The following LPIN1 variants were observed in gnomAD, a reference collection of about 807,000 sequenced individuals.
LPIN1 encodes lipin 1, also known as phosphatidate phosphatase LPIN1.
A neutral mutation model predicts 107.5 loss-of-function variants in LPIN1; 71 were observed. The ratio of observed to expected loss-of-function variants is 0.66; its 90% CI spans 0.55 to 0.80. LPIN1 has a LOEUF of 0.80. Among genes scored for constraint, LPIN1 ranks in the 30% least tolerant of loss-of-function variants. LPIN1 has a pLI of 0.00. For missense variants in LPIN1, 1,043 were observed against 1,160.6 expected, an observed-to-expected ratio of 0.90 and a Z score of 1.47; for synonymous variants, 445 against 452.6, an observed-to-expected ratio of 0.98 and a Z score of 0.21.
In LPIN1 at chr2:11,771,517, C is replaced by A; in HGVS notation, c.434C>A (p.Thr145Lys). 1 of 1,614,120 alleles carries A rather than the reference C, an allele frequency of 6.2e-7. No homozygotes were observed. The change falls in exon 4 of 21, where the codon ACG (threonine) becomes AAG (lysine). Residue 145 changes from threonine to lysine, a missense_variant. Coordinates refer to ENST00000674199, the MANE Select transcript of LPIN1 (RefSeq NM_001349206.2). The surrounding 1 kb of genome is among the most constrained non-coding windows in gnomAD (Gnocchi z 4.8). ...GCCCAAGTGATCGCTCCCAGCGAGA[C>A]GCCGTCAAGCAGCTCTGTAGTAAAG... ...TPAQVIAPSETPSSSSVVKKR... is the reference protein window; with the variant it reads ...TPAQVIAPSEKPSSSSVVKKR...
intron 1 of LPIN1, chr2:11,764,103 T>TATACAC (rs1553422099): frequency 1.6e-4 from 20 of 121,836 alleles, no homozygotes; most frequent in African/African-American, 5.7e-4. Context: ...TATATATATA[T>TATACAC]ACACACACAC....
At chr2:11,799,764 A>T (rs559780584) in intron 14 of LPIN1, among the ~76,000 whole-genome samples, 67 of 152,130 alleles carry the variant, frequency 4.4e-4, no homozygotes, top group African/African-American at 1.6e-3. Context: ...TTTTGGGTGG[A>T]TGTGATTCAG....
chr2:11,707,332 G>A lies in LPIN1; in HGVS notation c.82-6424G>A, dbSNP rs892283068. On this transcript the variant is annotated intron_variant, in intron 1 of 21. Transcript: ENST00000449576. This position sits in a 1 kb window ranked among gnomAD's most constrained non-coding sequence, Gnocchi z 4.2. ...AGAGAAGGAGGCTTAGGGAGAATCT[G>A]CCAGGCAGAGGAACAGCTCATGCAC... Among the ~76,000 whole-genome samples the A allele has an allele frequency of 1.9e-4, 29 of 152,198 alleles. No homozygotes were observed. The highest frequency in any genetic ancestry group is 1.9e-3 in the Admixed American group (29 of 15,274).
chr2:11,712,555 A>G (rs1402449565), intron 1 of LPIN1, among the ~76,000 whole-genome samples: 2 of 152,236 alleles, frequency 1.3e-5, no homozygotes, highest in Non-Finnish European at 2.9e-5. Context: ...CATGACCCCT[A>G]GAGCTATTCT....
At chr2:11,744,751 G>A (rs1270482997), upstream of LPIN1, among the ~76,000 whole-genome samples, 1 of 152,196 alleles carries the variant, frequency 6.6e-6, no homozygotes, top group Non-Finnish European at 1.5e-5. Flanking sequence ...CCCTGGAGGT[G>A]GGAGGGGAGG....
chr2:11,723,475 G>A (rs528110650), upstream of LPIN1: 18 of 152,312 alleles, frequency 1.2e-4, no homozygotes, highest in African/African-American at 4.3e-4. Flanking sequence ...GGCTAACATG[G>A]TGAAACCCCA....
chr2:11,719,238 C>G (rs1307774951), intron 2 of LPIN1, among the ~76,000 whole-genome samples: 1 of 152,052 alleles, frequency 6.6e-6, no homozygotes, highest in Non-Finnish European at 1.5e-5. Flanking sequence ...TATTTTTCCT[C>G]TTTCACATTG....
chr2:11,702,555 G>A (rs13428600), intron 1 of LPIN1, among the ~76,000 whole-genome samples: 20,502 of 152,186 alleles, frequency 0.13, 1,718 homozygotes, highest in East Asian at 0.3. Context: ...GAGACAACGC[G>A]GATGCTTGAG....
rs34156190 is a variant in LPIN1 at position 11,752,433 on chromosome 2, A to ATTTTTTTTTTTTTTTTTT, written c.-10+5778_-10+5779insTTTTTTTTTTTTTTTTTT. On this transcript the variant is annotated intron_variant, in intron 1 of 20. Coordinates refer to ENST00000674199, the MANE Select transcript of LPIN1 (RefSeq NM_001349206.2). ...TTTTCTTTTGAGCTGTTCCAAGGCC[A>ATTTTTTTTTTTTTTTTTT]TTTTTTTTTTTTTTTTGAGACGGAG... 6.3e-4 allele frequency among the ~76,000 whole-genome samples: 65 copies of ATTTTTTTTTTTTTTTTTT among 103,864 alleles called. 11 individuals are homozygous for ATTTTTTTTTTTTTTTTTT. The highest frequency in any genetic ancestry group is 3.6e-3 in the African/African-American group (63 of 17,694). The allele number at this position is 103,864 out of a possible 152,430, so 68.1% of individuals were successfully genotyped here.
intron 15 of LPIN1, 100 bp from the exon 16 acceptor site, chr2:11,804,323 T>A (rs1395186150): frequency 7.3e-7 from 1 of 1,368,596 alleles, no homozygotes; most frequent in Non-Finnish European, 1.0e-6. Context: ...GTCACTTGTT[T>A]TTAAAGCCGA....
chr2:11,754,697 G>T (rs1303465415), intron 1 of LPIN1, among the ~76,000 whole-genome samples: 1 of 152,150 alleles, frequency 6.6e-6, no homozygotes, highest in Non-Finnish European at 1.5e-5. Flanking sequence ...CAAACTAGTC[G>T]TTGTGTTGAC....
intron 1 of LPIN1, chr2:11,741,225 C>T: frequency 3.2e-6 from 2 of 630,614 alleles, no homozygotes; most frequent in Middle Eastern, 4.2e-4. Context: ...GAGTCCTGCC[C>T]CAGCTGTGTC....
intron 1 of LPIN1, among the ~76,000 whole-genome samples, chr2:11,739,287 G>C (rs752750010): frequency 2.0e-5 from 3 of 152,188 alleles, no homozygotes; most frequent in Non-Finnish European, 4.4e-5. Context: ...CAGTCAGAGG[G>C]CTCCAATCCA....
At chr2:11,773,998 A>C (rs1444274508) in intron 5 of LPIN1, among the ~76,000 whole-genome samples, 1 of 152,232 alleles carries the variant, frequency 6.6e-6, no homozygotes, top group Non-Finnish European at 1.5e-5. Context: ...AAGGAAAAAC[A>C]TGTAAATTAC....
chr2:11,694,145 AT>A (rs1289249440), intron 1 of LPIN1, among the ~76,000 whole-genome samples: 2 of 151,762 alleles, frequency 1.3e-5, no homozygotes, highest in African/African-American at 4.8e-5. Flanking sequence ...AGAGCCATAT[AT>A]TTTTAAAATT....
At chr2:11,766,625 T>G (rs1479788566) in intron 2 of LPIN1, among the ~76,000 whole-genome samples, 3 of 152,136 alleles carry the variant, frequency 2.0e-5, no homozygotes, top group Non-Finnish European at 2.9e-5. Context: ...GTTCAAAACG[T>G]GATGGCACTA....
Position 11,786,128 on chromosome 2 carries a change from A to G in LPIN1, c.1550-946A>G. Among the ~76,000 whole-genome samples, 1 of 152,052 alleles carries G rather than the reference A, an allele frequency of 6.6e-6. No homozygotes were observed. ...CTGAGTGTTATCTCATGGGGCCAGGATCTGCAGCTGTCCAGTCCTTACAGG... is the reference window on the plus strand; with the variant it reads ...CTGAGTGTTATCTCATGGGGCCAGGGTCTGCAGCTGTCCAGTCCTTACAGG... On this transcript the variant is annotated intron_variant, in intron 10 of 20. Transcript: ENST00000674199. This position sits in a 1 kb window ranked among gnomAD's most constrained non-coding sequence, Gnocchi z 4.1.
At chr2:11,797,992 C>T (rs1677024228) in intron 14 of LPIN1, among the ~76,000 whole-genome samples, 2 of 152,128 alleles carry the variant, frequency 1.3e-5, no homozygotes, top group African/African-American at 4.8e-5. Context: ...CATCATGGGG[C>T]CGTTTCCCCC....
At chr2:11,678,276 T>C (rs371022561) in intron 1 of LPIN1, among the ~76,000 whole-genome samples, 2 of 152,170 alleles carry the variant, frequency 1.3e-5, no homozygotes, top group East Asian at 3.9e-4. Context: ...TTTTTTGCTG[T>C]TGTTGCACAA....
Sources: allele counts gnomAD v4.1 joint callset (sites outside exome capture counted in the v4.1 genomes callset), GRCh38; gene constraint gnomAD v4.1.1; non-coding constraint Gnocchi (gnomAD v3.1); transcripts MANE v1.5; gene names NCBI Gene and HGNC (gene_info 2026-07-23, HGNC 2026-07-21).